ZC3H14: variants seen among roughly 807,000 people sequenced by gnomAD.
The protein encoded by ZC3H14 is zinc finger CCCH domain-containing protein 14.
ZC3H14 carries 31 observed loss-of-function variants against 92.4 expected under a neutral mutation model. That is an observed-to-expected ratio of 0.34 (90% CI 0.25 to 0.45). The LOEUF (loss-of-function observed/expected upper bound fraction) is 0.45. Ranked by LOEUF, ZC3H14 falls within the 20% of genes least tolerant of loss-of-function variation. The pLI, the probability that ZC3H14 is intolerant of heterozygous loss-of-function variation, is 1.00. For missense variants in ZC3H14, 781 were observed against 897.3 expected (o/e 0.87, Z 1.66); for synonymous variants, 321 against 300.9 (o/e 1.07, Z -0.69).
At chr14:88,599,361 C>T (rs1275354010) in intron 10 of ZC3H14, among the ~76,000 whole-genome samples, 2 of 152,140 alleles carry the variant, frequency 1.3e-5, no homozygotes, top group Non-Finnish European at 2.9e-5. Context: ...TGAGTTTATG[C>T]TTTCAAAACA....
Position 88,616,268 on chromosome 14 carries a change from A to C in ZC3H14, c.*4517A>C. The C allele has an allele frequency of 1.0e-4, 161 of 1,602,554 alleles. No individual in the cohort carries two copies. The highest frequency in any genetic ancestry group is 1.7e-4 in the Middle Eastern group (1 of 6,040). Reference sequence around the variant, plus strand: ...CTAAAAAACAATGACAGACAAGCTCAGGGCATTTGGTGCACACAGAAGTCA... The same window carrying C: ...CTAAAAAACAATGACAGACAAGCTCCGGGCATTTGGTGCACACAGAAGTCA... On this transcript the variant is annotated 3_prime_UTR_variant, in exon 17 of 17. Transcript: ENST00000251038.
rs752877345 is a variant in ZC3H14 at position 88,618,308 on chromosome 14, C to A, written c.*6557C>A. On this transcript the variant is annotated 3_prime_UTR_variant, in exon 17 of 17. Transcript: ENST00000251038. ...TTCCTGAAGGCACTTCATAGACATG[C>A]CGTTTATAGCAGCCACTAGAGACCT... 1.2e-5 allele frequency: 20 copies of A among 1,613,532 alleles called. No individual in the cohort carries two copies. The highest frequency in any genetic ancestry group is 1.7e-5 in the Non-Finnish European group (20 of 1,179,826).
At chr14:88,607,563 C>A (rs1184389734) in intron 13 of ZC3H14, among the ~76,000 whole-genome samples, 200 bp downstream of exon 13, 1 of 143,492 alleles carries the variant, frequency 7.0e-6, no homozygotes, top group African/African-American at 2.6e-5. Context: ...CAAGTACCAT[C>A]CCCCATCTCA....
intron 12 of ZC3H14, among the ~76,000 whole-genome samples, chr14:88,605,407 C>CTGCAG (rs1339751385): frequency 6.6e-6 from 1 of 152,230 alleles, no homozygotes; most frequent in African/African-American, 2.4e-5. Flanking sequence ...TCATGGCTCA[C>CTGCAG]TGCAGCCTCC....
Position 88,614,988 on chromosome 14 carries a change from T to G in ZC3H14, c.*3237T>G, listed in dbSNP as rs751573363. ...TGTATATATTAGACTACATTAAATATGCAATTCTTTCTTCCAGTTAAATAC... is the reference window on the plus strand; with the variant it reads ...TGTATATATTAGACTACATTAAATAGGCAATTCTTTCTTCCAGTTAAATAC... On this transcript the variant is annotated 3_prime_UTR_variant, in exon 17 of 17. Transcript: ENST00000251038. 6.6e-6 allele frequency: 1 copy of G among 152,244 alleles called. No homozygotes were observed. The highest frequency in any genetic ancestry group is 2.4e-5 in the African/African-American group (1 of 41,470). The allele number at this position is 152,244 out of a possible 1,614,324, so 9.4% of individuals were successfully genotyped here. A position where few individuals can be genotyped will look rare whatever the true frequency, so the allele number is the denominator to read the frequency against.
At chr14:88,602,732 C>G in intron 11 of ZC3H14, 96 bp from the exon 12 acceptor site, 1 of 1,316,996 alleles carries the variant, frequency 7.6e-7, no homozygotes, top group Admixed American at 2.0e-5. Flanking sequence ...AAACGCAAAG[C>G]CAAGGGAGTG....
Position 88,611,765 on chromosome 14 carries a change from CT to C in ZC3H14, c.*15del. The C allele has an allele frequency of 6.2e-7, 1 of 1,613,948 alleles. No homozygotes were observed. Among genetic ancestry groups the C allele is most frequent in the South Asian group, 1.1e-5 (1 of 91,070 alleles). Reference sequence around the variant, plus strand: ...TTCAGCGAATAGCACCCAGTCCTGCCTGGCAGAAGATCATGCAGTTTGGAAG... The same window carrying C: ...TTCAGCGAATAGCACCCAGTCCTGCCGGCAGAAGATCATGCAGTTTGGAAG... On this transcript the variant is annotated 3_prime_UTR_variant, in exon 17 of 17. Coordinates refer to ENST00000251038, the MANE Select transcript of ZC3H14 (RefSeq NM_024824.5).
At position 88,621,834 on chromosome 14, in the gene ZC3H14, G is replaced by C; in HGVS notation, c.*10083G>C. The C allele has an allele frequency of 2.2e-6, 1 of 455,440 alleles. No homozygotes were observed. 28.2% of individuals were successfully genotyped at this position (455,440 alleles called of 1,614,324 possible). On this transcript the variant is annotated 3_prime_UTR_variant, in exon 17 of 17. Transcript: ENST00000251038. Reference sequence around the variant, plus strand: ...ATATCTATAGGGCATAGGGTAATACGCATAACCATCACCTCAGACATTTAT... The same window carrying C: ...ATATCTATAGGGCATAGGGTAATACCCATAACCATCACCTCAGACATTTAT...
In ZC3H14 at chr14:88,622,338, A is replaced by G; in HGVS notation, c.*10587A>G. On this transcript the variant is annotated 3_prime_UTR_variant, in exon 17 of 17. Transcript: ENST00000251038. ...AGTCAACTGCCAAGGGCTTTCAATT[A>G]TGTCTACTAGAGTTGTTAAATTGGC... 1 of 314,562 alleles carries G rather than the reference A, an allele frequency of 3.2e-6. No individual in the cohort carries two copies. Among genetic ancestry groups the G allele is most frequent in the Non-Finnish European group, 5.8e-6 (1 of 172,936 alleles). 19.5% of individuals were successfully genotyped at this position (314,562 alleles called of 1,614,324 possible). A position where few individuals can be genotyped will look rare whatever the true frequency, so the allele number is the denominator to read the frequency against.
intron 8 of ZC3H14, among the ~76,000 whole-genome samples, chr14:88,576,551 T>C (rs975918014): frequency 2.0e-5 from 3 of 152,224 alleles, no homozygotes; most frequent in Non-Finnish European, 4.4e-5. Context: ...GATTCTGAAA[T>C]GCAAACAACT....
rs1386406840 is a variant in ZC3H14, at chr14:88,602,812, T to C, written c.1515-16T>C. On this transcript the variant is annotated splice_polypyrimidine_tract_variant and intron_variant, in intron 11 of 16. Transcript: ENST00000251038. ...TTGTTTCCCTAATTCTATGGTATTT[T>C]TTATCTGTCTGGCAGAGATCTTGTA... 1.2e-5 allele frequency: 20 copies of C among 1,613,288 alleles called. No individual in the cohort carries two copies. The highest frequency in any genetic ancestry group is 1.6e-5 in the Non-Finnish European group (19 of 1,179,560).
Position 88,616,260 on chromosome 14 carries a change from A to G in ZC3H14, c.*4509A>G. ...TGTTTTGCCTAAAAAACAATGACAG[A>G]CAAGCTCAGGGCATTTGGTGCACAC... is the stretch of plus-strand genomic sequence containing the variant. On this transcript the variant is annotated 3_prime_UTR_variant, in exon 17 of 17. Coordinates refer to ENST00000251038, the MANE Select transcript of ZC3H14 (RefSeq NM_024824.5). The G allele has an allele frequency of 6.2e-7, 1 of 1,611,856 alleles. No homozygotes were observed. The highest frequency in any genetic ancestry group is 1.3e-5 in the African/African-American group (1 of 75,006).
chr14:88,575,265 A>G (rs1015630496), intron 7 of ZC3H14, among the ~76,000 whole-genome samples: 2 of 152,196 alleles, frequency 1.3e-5, no homozygotes, highest in Non-Finnish European at 1.5e-5. Context: ...ACCGTGTAAG[A>G]CTTTTCCATT....
intron 8 of ZC3H14, among the ~76,000 whole-genome samples, chr14:88,577,651 C>T (rs1452524331): frequency 2.0e-5 from 3 of 151,970 alleles, no homozygotes; most frequent in Non-Finnish European, 1.5e-5. Flanking sequence ...CTCACTGCAA[C>T]CTCCGCCTTC....
At chr14:88,574,961 G>T (rs1363600793) in intron 7 of ZC3H14, 108 bp downstream of exon 7, 33 of 1,505,720 alleles carry the variant, frequency 2.2e-5, no homozygotes, top group Non-Finnish European at 3.0e-5. Context: ...TTTTGAGACG[G>T]AGTCTCGCTC....
In ZC3H14 at chr14:88,615,892, G is replaced by A. The variant is rs765954003; in HGVS notation, c.*4141G>A. 2 of 1,591,698 alleles carry A rather than the reference G, an allele frequency of 1.3e-6. No individual in the cohort carries two copies. The highest frequency in any genetic ancestry group is 2.2e-5 in the East Asian group (1 of 44,556). ...AAGAAAATTGCAGGGAGTTAATTAT[G>A]TTTTTAGATTTTCATAACAGTTTAA... On this transcript the variant is annotated 3_prime_UTR_variant, in exon 17 of 17. Coordinates refer to ENST00000251038, the MANE Select transcript of ZC3H14 (RefSeq NM_024824.5).
At chr14:88,576,746 G>T (rs951803367) in intron 8 of ZC3H14, among the ~76,000 whole-genome samples, 1 of 151,758 alleles carries the variant, frequency 6.6e-6, no homozygotes, top group African/African-American at 2.4e-5. Flanking sequence ...TTTTTTTTGT[G>T]ACCCCCCTTC....
rs1463209302 is a variant in ZC3H14, at chr14:88,611,761, C to T, written c.*10C>T. On this transcript the variant is annotated 3_prime_UTR_variant, in exon 17 of 17. Transcript: ENST00000251038. ...TTCATTCAGCGAATAGCACCCAGTC[C>T]TGCCTGGCAGAAGATCATGCAGTTT... 6.2e-7 allele frequency: 1 copy of T among 1,613,978 alleles called. No homozygotes were observed. Among genetic ancestry groups the T allele is most frequent in the South Asian group, 1.1e-5 (1 of 91,072 alleles).
At chr14:88,563,544 G>A (rs777453495) in intron 1 of ZC3H14, 107 bp from the exon 2 acceptor site, 23 of 1,582,928 alleles carry the variant, frequency 1.5e-5, no homozygotes, top group Middle Eastern at 1.7e-4. Context: ...CCCGCCCGGG[G>A]GATCCGAGGT....
Sources: gnomAD v4.1 joint callset for allele counts (sites outside exome capture counted in the v4.1 genomes callset) on GRCh38, gnomAD v4.1.1 for gene constraint, MANE v1.5 for transcripts, NCBI Gene and HGNC (gene_info 2026-07-23, HGNC 2026-07-21) for gene names.